MAML3: variants seen among roughly 807,000 people sequenced by gnomAD.
MAML3 encodes the protein mastermind-like protein 3.
Under a neutral mutation model 101.9 loss-of-function variants are expected in MAML3, and 27 were observed. That is an observed-to-expected ratio of 0.27 (90% CI 0.20 to 0.37). MAML3 has a LOEUF of 0.37. Ranked by LOEUF, MAML3 falls within the 10% of genes least tolerant of loss-of-function variation. The pLI, the probability that MAML3 is intolerant of heterozygous loss-of-function variation, is 1.00. For synonymous variants in MAML3, 501 were observed against 555.9 expected (o/e 0.90, Z 1.39); for missense variants, 1,316 against 1,444.9 (o/e 0.91, Z 1.45).
intron 2 of MAML3, among the ~76,000 whole-genome samples, chr4:139,809,132 T>G (rs1037300794): frequency 6.6e-6 from 1 of 152,214 alleles, no homozygotes; most frequent in Non-Finnish European, 1.5e-5. Context: ...TGGAATGTTA[T>G]CAGGGAGCTT....
intron 1 of MAML3, among the ~76,000 whole-genome samples, chr4:140,004,813 C>T (rs551204411): frequency 3.3e-5 from 5 of 152,212 alleles, no homozygotes; most frequent in Admixed American, 3.3e-4. Context: ...TGGTCATTTC[C>T]TAGCCGAAAG....
chr4:139,840,919 T>C (rs1731349529), intron 2 of MAML3, among the ~76,000 whole-genome samples: 1 of 152,230 alleles, frequency 6.6e-6, no homozygotes, highest in African/African-American at 2.4e-5. Context: ...AGTGAAGGCC[T>C]GGGCTCTGGC....
At chr4:140,024,007 G>T (rs1360117056) in intron 1 of MAML3, among the ~76,000 whole-genome samples, 1 of 152,170 alleles carries the variant, frequency 6.6e-6, no homozygotes, top group Non-Finnish European at 1.5e-5. Context: ...GCATATTAAT[G>T]ATATAACAGC....
intron 1 of MAML3, among the ~76,000 whole-genome samples, chr4:140,002,487 G>C (rs62347773): frequency 0.035 from 5,260 of 152,298 alleles, 138 homozygotes; most frequent in Admixed American, 0.068. Flanking sequence ...ATGGGAAACA[G>C]TAAGACTGGT....
intron 2 of MAML3, among the ~76,000 whole-genome samples, chr4:139,836,690 T>G (rs1731259939): frequency 1.3e-5 from 2 of 151,790 alleles, no homozygotes; most frequent in Non-Finnish European, 2.9e-5. Context: ...TCTCCAGAGA[T>G]GTAGGAATGC....
chr4:139,894,285 C>T (rs1229368813), intron 1 of MAML3, among the ~76,000 whole-genome samples: 1 of 152,032 alleles, frequency 6.6e-6, no homozygotes, highest in African/African-American at 2.4e-5. Flanking sequence ...CTGAGGTGGG[C>T]AGATCGCGAG....
Position 139,720,227 on chromosome 4 carries a change from A to G in MAML3, c.2513T>C (p.Ile838Thr), listed in dbSNP as rs374257274. ...CGTCCCAGGGTTCTGGGAGGGTCCT[A>G]TTCCCATCATGCCTGCGTTCTGTGC... is the stretch of plus-strand genomic sequence containing the variant. ...LMAQNAGMMG[I>T]GPSQNPGTMA... is the part of the protein sequence containing the mutation. Residue 838 changes from isoleucine to threonine, a missense_variant, in exon 5 of 5, where the codon ATA becomes ACA. Ile to Thr is a moderately conservative substitution (Grantham distance 89, BLOSUM62 -1). Coordinates refer to ENST00000509479, the MANE Select transcript of MAML3 (RefSeq NM_018717.5). 108 of 1,612,326 alleles carry G rather than the reference A, an allele frequency of 6.7e-5. No individual in the cohort carries two copies. The highest frequency in any genetic ancestry group is 5.3e-4 in the African/African-American group (40 of 75,016).
intron 1 of MAML3, among the ~76,000 whole-genome samples, chr4:140,091,636 G>C (rs1425549665): frequency 6.6e-6 from 1 of 151,304 alleles, no homozygotes. Flanking sequence ...GATAGTACTT[G>C]TAAGGTATTC....
At chr4:140,031,959 A>G (rs939919795) in intron 1 of MAML3, among the ~76,000 whole-genome samples, 3 of 152,194 alleles carry the variant, frequency 2.0e-5, no homozygotes, top group African/African-American at 7.2e-5. Context: ...AGCAACTGGA[A>G]CTAACTTGCA....
intron 2 of MAML3, among the ~76,000 whole-genome samples, chr4:139,845,187 G>A (rs1731420206): frequency 6.6e-6 from 1 of 152,172 alleles, no homozygotes. Flanking sequence ...GAAATGGCAT[G>A]TTGTCCTACA....
chr4:140,147,471 C>A (rs989607010), intron 1 of MAML3, among the ~76,000 whole-genome samples: 1 of 152,080 alleles, frequency 6.6e-6, no homozygotes, highest in Admixed American at 6.5e-5. Context: ...TCTTTGATAA[C>A]GGTGTTAAAG....
intron 1 of MAML3, among the ~76,000 whole-genome samples, chr4:140,113,590 T>C (rs961681062): frequency 3.9e-5 from 6 of 152,182 alleles, no homozygotes; most frequent in Non-Finnish European, 8.8e-5. Flanking sequence ...ACATTCCTAC[T>C]CGGTGGCCTT....
chr4:140,121,873 TG>T (rs1053325897), intron 1 of MAML3, among the ~76,000 whole-genome samples: 3 of 152,134 alleles, frequency 2.0e-5, no homozygotes, highest in Non-Finnish European at 4.4e-5. Context: ...AGGGACCCAG[TG>T]GGGGGTAACT....
At chr4:139,985,635 C>A (rs1734525305) in intron 1 of MAML3, among the ~76,000 whole-genome samples, 1 of 152,136 alleles carries the variant, frequency 6.6e-6, no homozygotes, top group Non-Finnish European at 1.5e-5. Flanking sequence ...TGCATAGATT[C>A]CTTATTTAGG....
intron 2 of MAML3, among the ~76,000 whole-genome samples, chr4:139,776,379 C>T (rs1174594428): frequency 6.6e-6 from 1 of 152,146 alleles, no homozygotes; most frequent in African/African-American, 2.4e-5. Flanking sequence ...CCTACATTCC[C>T]TTTCTGCTTT....
At chr4:140,060,381 A>AAAAAAAAAAAAAAAAAC (rs1560880622) in intron 1 of MAML3, among the ~76,000 whole-genome samples, 1 of 148,320 alleles carries the variant, frequency 6.7e-6, no homozygotes, top group African/African-American at 2.5e-5. Flanking sequence ...AAAAAAAAAA[A>AAAAAAAAAAAAAAAAAC]AAAAGTCACA....
chr4:140,015,769 C>T (rs1032223485), intron 1 of MAML3, among the ~76,000 whole-genome samples: 2 of 152,172 alleles, frequency 1.3e-5, no homozygotes, highest in Non-Finnish European at 2.9e-5. Flanking sequence ...GCCTAGCCAA[C>T]ATGGTGAAAT....
chr4:139,878,596 A>C (rs1560822163), intron 2 of MAML3, among the ~76,000 whole-genome samples: 1 of 152,150 alleles, frequency 6.6e-6, no homozygotes. Context: ...CTGTGAGTGC[A>C]CTGGGTAGGG....
At chr4:140,119,426 T>C (rs1381404354) in intron 1 of MAML3, among the ~76,000 whole-genome samples, 1 of 152,172 alleles carries the variant, frequency 6.6e-6, no homozygotes, top group Non-Finnish European at 1.5e-5. Context: ...TTACCTTTCT[T>C]TCTCACATCT....
Sources: allele counts gnomAD v4.1 joint callset (sites outside exome capture counted in the v4.1 genomes callset), GRCh38; gene constraint gnomAD v4.1.1; transcripts MANE v1.5; gene names NCBI Gene and HGNC (gene_info 2026-07-23, HGNC 2026-07-21).